RBPMS2: variants seen among roughly 807,000 people sequenced by gnomAD.
RBPMS2 encodes RNA binding protein, mRNA processing factor 2, also known as RNA-binding protein with multiple splicing 2.
A neutral mutation model predicts 25.7 loss-of-function variants in RBPMS2; 14 were observed. The ratio of observed to expected loss-of-function variants is 0.55; its 90% CI spans 0.36 to 0.85. RBPMS2 has a LOEUF of 0.85. RBPMS2 is among the 40% of genes least tolerant of loss of function. The probability of loss-of-function intolerance (pLI) is 0.01; values close to 1 mark genes in which losing one functional copy is unlikely to be tolerated. For missense variants in RBPMS2, 252 were observed against 283.4 expected (o/e 0.89, Z 0.80); for synonymous variants, 127 against 115.6 (o/e 1.10, Z -0.63).
At chr15:64,764,221 A>T (rs559102406) in intron 1 of RBPMS2, among the ~76,000 whole-genome samples, 2 of 152,104 alleles carry the variant, frequency 1.3e-5, no homozygotes, top group African/African-American at 2.4e-5. Context: ...GCTAACACAG[A>T]TCTACTGCCT....
chr15:64,768,689 A>G (rs1005312516), intron 1 of RBPMS2, among the ~76,000 whole-genome samples: 1 of 151,256 alleles, frequency 6.6e-6, no homozygotes, highest in African/African-American at 2.4e-5. Flanking sequence ...CCTACCTACT[A>G]GGGAGGCTGA....
In RBPMS2 at chr15:64,749,023, G is replaced by C; in HGVS notation, c.395C>G (p.Ala132Gly). 1 of 1,614,220 alleles carries C rather than the reference G, an allele frequency of 6.2e-7. No individual in the cohort carries two copies. Among genetic ancestry groups the C allele is most frequent in the Non-Finnish European group, 8.5e-7 (1 of 1,180,028 alleles). ...NPSNVHPALG[A>G]HFIARDPYDL... is the part of the protein sequence containing the mutation. ...ACAGGGGTCCCGTGCGATGAAGTGT[G>C]CTCCTAGGGCGGGGTGCACGTTGCT... Residue 132 changes from alanine to glycine, a missense_variant, in exon 5 of 8, where the codon GCA (alanine) becomes GGA (glycine). Coordinates refer to ENST00000300069, the MANE Select transcript of RBPMS2 (RefSeq NM_194272.3).
chr15:64,769,002 G>A (rs2083871301), intron 1 of RBPMS2, among the ~76,000 whole-genome samples: 1 of 148,568 alleles, frequency 6.7e-6, no homozygotes, highest in Non-Finnish European at 1.5e-5. Context: ...TTGGGAGGCT[G>A]AGGCAGGAGA....
chr15:64,764,372 C>A (rs748921563), intron 1 of RBPMS2, among the ~76,000 whole-genome samples: 1 of 152,220 alleles, frequency 6.6e-6, no homozygotes, highest in Non-Finnish European at 1.5e-5. Flanking sequence ...AACCCTTAAA[C>A]CACATGATGC....
intron 1 of RBPMS2, among the ~76,000 whole-genome samples, chr15:64,767,308 C>A (rs548892616): frequency 2.0e-5 from 3 of 152,142 alleles, no homozygotes; most frequent in Non-Finnish European, 4.4e-5. Flanking sequence ...TTCTGCCCCA[C>A]TGCCTCATGG....
At chr15:64,757,813 C>CT (rs1452986036) in intron 1 of RBPMS2, among the ~76,000 whole-genome samples, 1 of 151,224 alleles carries the variant, frequency 6.6e-6, no homozygotes, top group Non-Finnish European at 1.5e-5. Flanking sequence ...GGCCCTATCC[C>CT]CCCCCACAAA....
At chr15:64,769,100 C>CAAAAA (rs1167404963) in intron 1 of RBPMS2, among the ~76,000 whole-genome samples, 4 of 27,684 alleles carry the variant, frequency 1.4e-4, no homozygotes, top group African/African-American at 2.1e-4. Flanking sequence ...GACTTCGTCT[C>CAAAAA]AAAAAAAAAA....
At position 64,748,561 on chromosome 15, in the gene RBPMS2, A is replaced by C. The variant is rs1200635116; in HGVS notation, c.425T>G (p.Leu142Arg). The C allele has an allele frequency of 6.4e-7, 1 of 1,554,576 alleles. No homozygotes were observed. Among genetic ancestry groups the C allele is most frequent in the Admixed American group, 2.0e-5 (1 of 49,106 alleles). ...AHFIARDPYD[L>R]MGAALIPASP... Reference sequence around the variant, plus strand: ...TGCAGGGATCAGAGCAGCCCCCATCAGGTCATCTACAACAGGAGACAATGG... The same window carrying C: ...TGCAGGGATCAGAGCAGCCCCCATCCGGTCATCTACAACAGGAGACAATGG... Residue 142 changes from leucine (L) to arginine (R), a missense_variant, in exon 6 of 8, where the codon CTG (leucine) becomes CGG (arginine). Coordinates refer to ENST00000300069, the MANE Select transcript of RBPMS2 (RefSeq NM_194272.3).
chr15:64,744,611 T>C (rs2083596942), intron 6 of RBPMS2, among the ~76,000 whole-genome samples: 1 of 124,430 alleles, frequency 8.0e-6, no homozygotes, highest in African/African-American at 2.9e-5. Flanking sequence ...TGCCCAGAAG[T>C]ACACACAAGG....
chr15:64,742,792 G>C (rs376175759), intron 6 of RBPMS2, among the ~76,000 whole-genome samples: 1 of 152,178 alleles, frequency 6.6e-6, no homozygotes, highest in East Asian at 1.9e-4. Context: ...CTTGAGGTTG[G>C]AGCAGGCAGA....
In RBPMS2 at chr15:64,748,501, G is replaced by T; in HGVS notation, c.485C>A (p.Thr162Asn). 6.2e-7 allele frequency: 1 copy of T among 1,613,460 alleles called. No homozygotes were observed. Among genetic ancestry groups the T allele is most frequent in the Non-Finnish European group, 8.5e-7 (1 of 1,179,680 alleles). ...GGAGATGGCTGGGGTCAGCTCTGTGGTGTACAAAGGGTAGGGGGCCCAGGC... is the reference window on the plus strand; with the variant it reads ...GGAGATGGCTGGGGTCAGCTCTGTGTTGTACAAAGGGTAGGGGGCCCAGGC... ...PEAWAPYPLY[T>N]TELTPAISHA... Residue 162 changes from threonine to asparagine, a missense_variant, in exon 6 of 8, where the codon ACC (threonine) becomes AAC (asparagine). Thr to Asn is a moderately conservative substitution (Grantham distance 65). Transcript: ENST00000300069.
intron 1 of RBPMS2, among the ~76,000 whole-genome samples, chr15:64,754,176 G>A (rs1166188307): frequency 1.3e-5 from 2 of 152,000 alleles, no homozygotes; most frequent in African/African-American, 2.4e-5. Context: ...GCCAGGTGTG[G>A]TGGCCCATCC....
chr15:64,768,797 A>T (rs1595796068), intron 1 of RBPMS2, among the ~76,000 whole-genome samples: 1 of 4,786 alleles, frequency 2.1e-4, no homozygotes, highest in African/African-American at 2.5e-4. Flanking sequence ...CCCCGTCTAT[A>T]AAAAAAAAAA....
chr15:64,771,689 G>A (rs1348680409), intron 1 of RBPMS2, among the ~76,000 whole-genome samples: 1 of 151,824 alleles, frequency 6.6e-6, no homozygotes, highest in Non-Finnish European at 1.5e-5. Flanking sequence ...GCTGGGCGCC[G>A]TGGCTCAGGC....
At chr15:64,743,144 A>G (rs6494490) in intron 6 of RBPMS2, among the ~76,000 whole-genome samples, 132,637 of 152,278 alleles carry the variant, frequency 0.87, 58,982 homozygotes, top group East Asian at 0.96. Flanking sequence ...CAGCAAGGAA[A>G]TCCCGGACGG....
intron 1 of RBPMS2, among the ~76,000 whole-genome samples, chr15:64,762,900 G>C (rs2083803651): frequency 6.6e-6 from 1 of 152,174 alleles, no homozygotes; most frequent in South Asian, 2.1e-4. Context: ...GAAGAGAAGG[G>C]GACAAGATGG....
At chr15:64,755,716 G>C (rs1013961316) in intron 1 of RBPMS2, among the ~76,000 whole-genome samples, 61 of 152,276 alleles carry the variant, frequency 4.0e-4, no homozygotes, top group African/African-American at 1.5e-3. Context: ...GGCAGAAAAA[G>C]GGGAAACTGG....
At chr15:64,763,648 A>T (rs2083813638) in intron 1 of RBPMS2, among the ~76,000 whole-genome samples, 1 of 152,196 alleles carries the variant, frequency 6.6e-6, no homozygotes, top group Non-Finnish European at 1.5e-5. Flanking sequence ...CAGGTAGAAC[A>T]GGTATGGGGT....
At chr15:64,765,596 G>T (rs139289587) in intron 1 of RBPMS2, among the ~76,000 whole-genome samples, 3 of 4,962 alleles carry the variant, frequency 6.0e-4, no homozygotes, top group East Asian at 0.091. Flanking sequence ...AAAAAAGGGC[G>T]GGGGGGGACC....
Sources: allele counts gnomAD v4.1 joint callset (sites outside exome capture counted in the v4.1 genomes callset), GRCh38; gene constraint gnomAD v4.1.1; transcripts MANE v1.5; gene names NCBI Gene and HGNC (gene_info 2026-07-23, HGNC 2026-07-21).